Variants in SMARCC1 observed in about 807,000 individuals in gnomAD.
SMARCC1 encodes the protein SWI/SNF complex subunit SMARCC1.
In SMARCC1, 43 loss-of-function variants were observed where a neutral mutation model predicts 147.4. The ratio of observed to expected loss-of-function variants is 0.29; its 90% CI spans 0.23 to 0.38. The LOEUF (loss-of-function observed/expected upper bound fraction) is 0.38. SMARCC1 is among the 10% of genes least tolerant of loss of function. The pLI, the probability that SMARCC1 is intolerant of heterozygous loss-of-function variation, is 1.00. For missense variants in SMARCC1, 1,119 were observed against 1,381.1 expected, an observed-to-expected ratio of 0.81 and a Z score of 3.01; for synonymous variants, 495 against 484.4, an observed-to-expected ratio of 1.02 and a Z score of -0.29.
chr3:47,731,344 C>T (rs945463666), intron 5 of SMARCC1, among the ~76,000 whole-genome samples: 1 of 152,172 alleles, frequency 6.6e-6, no homozygotes, highest in African/African-American at 2.4e-5. Flanking sequence ...ATTTGAACCA[C>T]GTCTGTAGTT....
intron 12 of SMARCC1, among the ~76,000 whole-genome samples, chr3:47,691,971 C>A (rs2033795849): frequency 6.6e-6 from 1 of 152,164 alleles, no homozygotes; most frequent in Non-Finnish European, 1.5e-5. Flanking sequence ...TGTACTCCAG[C>A]CTGGGTAACA....
At chr3:47,697,317 T>C (rs1206174109) in intron 11 of SMARCC1, among the ~76,000 whole-genome samples, 1 of 151,342 alleles carries the variant, frequency 6.6e-6, no homozygotes, top group East Asian at 2.0e-4. Context: ...TTTTTTTTTT[T>C]TTAGATGGAG....
intron 19 of SMARCC1, chr3:47,670,244 G>C (rs1400986966): frequency 6.1e-6 from 1 of 164,750 alleles, no homozygotes; most frequent in East Asian, 1.7e-4. Context: ...ATTTGTGATT[G>C]AGTTTTGAGC....
intron 21 of SMARCC1, among the ~76,000 whole-genome samples, chr3:47,646,423 G>A (rs1002949542): frequency 1.3e-5 from 2 of 152,156 alleles, no homozygotes; most frequent in Non-Finnish European, 2.9e-5. Context: ...TCTGACCCAT[G>A]TCTGCAGCGT....
At chr3:47,589,140 G>C (rs2032133410) in intron 27 of SMARCC1, among the ~76,000 whole-genome samples, 2 of 152,164 alleles carry the variant, frequency 1.3e-5, no homozygotes, top group South Asian at 2.1e-4. Context: ...GAAGCTCACT[G>C]ATCTAATCCC....
chr3:47,608,935 G>T (rs1252829116), intron 26 of SMARCC1, among the ~76,000 whole-genome samples: 1 of 151,484 alleles, frequency 6.6e-6, no homozygotes, highest in Non-Finnish European at 1.5e-5. Context: ...GTGTGGGGGG[G>T]TTAGAAGGAC....
intron 18 of SMARCC1, among the ~76,000 whole-genome samples, chr3:47,673,426 G>T (rs1440634752): frequency 1.4e-5 from 2 of 143,856 alleles, no homozygotes; most frequent in East Asian, 2.1e-4. Context: ...AGTGGCTCAG[G>T]CCTGTAATCA....
At chr3:47,727,486 GACAGA>G (rs1274539149) in intron 6 of SMARCC1, among the ~76,000 whole-genome samples, 1 of 151,980 alleles carries the variant, frequency 6.6e-6, no homozygotes, top group Non-Finnish European at 1.5e-5. Flanking sequence ...TAGCCTGGGT[GACAGA>G]ACAAAGACTA....
At chr3:47,671,725 A>G (rs2033505201) in intron 18 of SMARCC1, among the ~76,000 whole-genome samples, 1 of 152,250 alleles carries the variant, frequency 6.6e-6, no homozygotes, top group Admixed American at 6.5e-5. Context: ...AGCTGATACT[A>G]TCATGCAGCT....
intron 9 of SMARCC1, among the ~76,000 whole-genome samples, chr3:47,709,414 G>A (rs34351471): frequency 0.6 from 91,666 of 151,952 alleles, 29,000 homozygotes; most frequent in East Asian, 0.72. Flanking sequence ...GGTCAGGCGC[G>A]GTGGCTCATG....
intron 19 of SMARCC1, chr3:47,663,792 T>A: frequency 1.9e-6 from 3 of 1,581,970 alleles, no homozygotes; most frequent in Middle Eastern, 1.7e-4. Context: ...GCGGCCGCCC[T>A]CACCTACAGC....
At chr3:47,631,686 T>C (rs2032893344) in intron 24 of SMARCC1, among the ~76,000 whole-genome samples, 1 of 152,190 alleles carries the variant, frequency 6.6e-6, no homozygotes, top group South Asian at 2.1e-4. Context: ...GTTTAGGAGA[T>C]AGACCTAGAA....
At position 47,706,466 on chromosome 3, in the gene SMARCC1, G is replaced by C. The variant is rs747624937; in HGVS notation, c.983C>G (p.Ser328Trp). Reference sequence around the variant, plus strand: ...TGGTGTCGGAGGGGGAGGCGAAGGCGAATGTTTCCTCTTTCGAGCATTAGC... The same window carrying C: ...TGGTGTCGGAGGGGGAGGCGAAGGCCAATGTTTCCTCTTTCGAGCATTAGC... The part of the protein sequence containing the change: ...ASANARKRKH[S>W]PSPPPPTPTE... Residue 328 changes from serine (S) to tryptophan (W), a missense_variant, in exon 10 of 28, where the codon TCG becomes TGG. This residue lies in a region of SMARCC1 where 542 missense variants were observed against 611.8 expected (regional missense o/e 0.89). Transcript: ENST00000254480. The C allele has an allele frequency of 1.9e-6, 3 of 1,579,522 alleles. No individual in the cohort carries two copies. Among genetic ancestry groups the C allele is most frequent in the Non-Finnish European group, 1.7e-6 (2 of 1,166,456 alleles).
Position 47,588,145 on chromosome 3 carries a change from C to T in SMARCC1, c.*64G>A, listed in dbSNP as rs879076414. 6.2e-6 allele frequency: 8 copies of T among 1,295,898 alleles called. No individual in the cohort carries two copies. The Admixed American group carries it at 1.4e-4, about 22-fold the overall frequency. 80.3% of individuals were successfully genotyped at this position (1,295,898 alleles called of 1,614,324 possible). A position where few individuals can be genotyped will look rare whatever the true frequency, so the allele number is the denominator to read the frequency against. On this transcript the variant is annotated 3_prime_UTR_variant, in exon 28 of 28. Coordinates refer to ENST00000254480, the MANE Select transcript of SMARCC1 (RefSeq NM_003074.4). The stretch of plus-strand genomic sequence containing the variant: ...AGAAACCCAAGAAAGTTGAGGAACA[C>T]AAGTCTTGTCATCCCCACTCCAGCT...
Position 47,589,444 on chromosome 3 carries a change from T to G in SMARCC1, c.3221-1138A>C, listed in dbSNP as rs3772409. 1.4e-4 allele frequency among the ~76,000 whole-genome samples: 21 copies of G among 152,314 alleles called. No homozygotes were observed. The East Asian group carries it at 4.1e-3, about 29-fold the overall frequency. ...AGTGATACTACCTCTGCAATAGGGA[T>G]GGAAAACTGGTCAACTCTCTTGATA... On this transcript the variant is annotated intron_variant, in intron 27 of 27. Transcript: ENST00000254480.
At chr3:47,622,114 G>A (rs948346200) in intron 25 of SMARCC1, 93 bp downstream of exon 25, 21 of 1,146,910 alleles carry the variant, frequency 1.8e-5, no homozygotes, top group Non-Finnish European at 2.4e-5. Flanking sequence ...GAGACCAAGA[G>A]AACAGGCTAC....
At chr3:47,680,304 G>A in intron 15 of SMARCC1, 133 bp downstream of exon 15, 1 of 702,470 alleles carries the variant, frequency 1.4e-6, no homozygotes, top group Non-Finnish European at 2.5e-6. Context: ...CTATGCAAAT[G>A]AGATATGAAC....
In SMARCC1 at chr3:47,674,255, A is replaced by G. The variant is rs2033540623; in HGVS notation, c.1839+1220T>C. 1.3e-5 allele frequency among the ~76,000 whole-genome samples: 2 copies of G among 152,088 alleles called. 1 individual carries two copies. Among genetic ancestry groups the G allele is most frequent in the South Asian group, 4.1e-4 (2 of 4,830 alleles). ...CCTTTTCTCTGCTCCTTATTCCTTC[A>G]TGGAGTCATGTGCTTTCATCTGGGA... is the stretch of plus-strand genomic sequence containing the variant. On this transcript the variant is annotated intron_variant, in intron 18 of 27. Coordinates refer to ENST00000254480, the MANE Select transcript of SMARCC1 (RefSeq NM_003074.4).
Position 47,708,083 on chromosome 3 carries a change from C to CTTTT in SMARCC1, c.919-1557_919-1554dup, listed in dbSNP as rs915291740. Among the ~76,000 whole-genome samples the CTTTT allele has an allele frequency of 6.5e-4, 42 of 64,282 alleles. 8 individuals are homozygous for CTTTT. Among genetic ancestry groups the CTTTT allele is most frequent in the African/African-American group, 2.6e-3 (39 of 15,076 alleles). The allele number at this position is 64,282 out of a possible 152,430, so 42.2% of individuals were successfully genotyped here. ...GTAAATCTGAAGTTGAATTTTTTTT[C>CTTTT]TTTTTTTTTTTTTTTTTTTTTTTTT... On this transcript the variant is annotated intron_variant, in intron 9 of 27. Coordinates refer to ENST00000254480, the MANE Select transcript of SMARCC1 (RefSeq NM_003074.4).
Sources: gnomAD v4.1 joint callset for allele counts (sites outside exome capture counted in the v4.1 genomes callset) on GRCh38, gnomAD v4.1.1 for gene constraint, gnomAD v4.1.1 regional missense constraint, MANE v1.5 for transcripts, NCBI Gene and HGNC (gene_info 2026-07-23, HGNC 2026-07-21) for gene names.